TRABD2A: variants seen among roughly 807,000 people sequenced by gnomAD.
The protein encoded by TRABD2A is TraB domain containing 2A.
A neutral mutation model predicts 45.6 loss-of-function variants in TRABD2A; 43 were observed. The observed-to-expected ratio is 0.94, with a 90% CI of 0.74 to 1.22. TRABD2A has a LOEUF of 1.22. TRABD2A is among the 50% of genes most tolerant of loss of function. The probability of loss-of-function intolerance (pLI) is 0.00; values close to 1 mark genes in which losing one functional copy is unlikely to be tolerated. For missense variants in TRABD2A, 642 were observed against 652.4 expected, an observed-to-expected ratio of 0.98 and a Z score of 0.17; for synonymous variants, 269 against 265.0, an observed-to-expected ratio of 1.02 and a Z score of -0.15.
At chr2:84,859,270 T>G (rs1307769047) in intron 2 of TRABD2A, among the ~76,000 whole-genome samples, 2 of 152,342 alleles carry the variant, frequency 1.3e-5, no homozygotes, top group African/African-American at 2.4e-5. Flanking sequence ...TAGTTTGGTC[T>G]TTTAATACAG....
intron 1 of TRABD2A, chr2:84,874,710 C>G (rs1383149174): frequency 1.4e-5 from 3 of 211,700 alleles, no homozygotes; most frequent in South Asian, 8.5e-5. Flanking sequence ...GATCAGCCCC[C>G]CTGCGTCTGT....
At chr2:84,866,997 G>A (rs1411375781) in intron 2 of TRABD2A, among the ~76,000 whole-genome samples, 1 of 152,094 alleles carries the variant, frequency 6.6e-6, no homozygotes, top group Non-Finnish European at 1.5e-5. Flanking sequence ...CAACCTGGGA[G>A]GCAGAGGCTG....
intron 5 of TRABD2A, among the ~76,000 whole-genome samples, chr2:84,826,098 G>A (rs1276938735): frequency 2.0e-5 from 3 of 152,202 alleles, no homozygotes; most frequent in African/African-American, 7.2e-5. Context: ...CCGAAACTAT[G>A]TCTTGGCCTC....
chr2:84,870,715 TG>T lies in TRABD2A; in HGVS notation c.178del (p.His60MetfsTer74). On this transcript the variant is annotated frameshift_variant, in exon 2 of 7. Transcript: ENST00000409520. LOFTEE classifies it high-confidence loss of function. ...GTCCCAAACTCGGGTGTACGGGACA[TG>T]GATTGTGCCAAAGAAGTAAGATGGT... is the stretch of plus-strand genomic sequence containing the variant. ...DPPSYFFGTI[H>X]VPYTRVWDFI... The T allele has an allele frequency of 6.2e-7, 1 of 1,603,574 alleles. No individual in the cohort carries two copies. Among genetic ancestry groups the T allele is most frequent in the African/African-American group, 1.3e-5 (1 of 74,846 alleles).
At chr2:84,853,747 T>C (rs115644304) in intron 2 of TRABD2A, among the ~76,000 whole-genome samples, 6,962 of 152,284 alleles carry the variant, frequency 0.046, 571 homozygotes, top group African/African-American at 0.16. Context: ...TTTCCAGCCT[T>C]GATGGGTGCA....
intron 2 of TRABD2A, among the ~76,000 whole-genome samples, chr2:84,857,068 A>G (rs6753370): frequency 0.2 from 29,921 of 151,890 alleles, 3,893 homozygotes; most frequent in African/African-American, 0.37. Context: ...TCTGCAAGCC[A>G]AGGAGAGAGG....
At chr2:84,854,517 G>A (rs560386215) in intron 2 of TRABD2A, among the ~76,000 whole-genome samples, 35 of 152,278 alleles carry the variant, frequency 2.3e-4, no homozygotes, top group African/African-American at 7.2e-4. Context: ...TCTCACCCAA[G>A]GTCACAATAC....
Position 84,870,452 on chromosome 2 carries a change from A to C in TRABD2A, c.442T>G (p.Tyr148Asp). The part of the protein sequence containing the change: ...MTPDQRGKGL[Y>D]ADYLFNAIAG... ...ATAGCATTGAAGAGGTAGTCTGCGT[A>C]GAGCCCCTTGCCGCGCTGGTCTGGG... Residue 148 changes from tyrosine to aspartate, a missense_variant, in exon 2 of 7, where the codon TAC (tyrosine) becomes GAC (aspartate). By Grantham distance (160) the Tyr-to-Asp change is radical. Transcript: ENST00000409520. The C allele has an allele frequency of 6.2e-7, 1 of 1,614,054 alleles. No homozygotes were observed. Among genetic ancestry groups the C allele is most frequent in the Admixed American group, 1.7e-5 (1 of 60,036 alleles).
chr2:84,825,438 T>C (rs1433400787), intron 5 of TRABD2A, among the ~76,000 whole-genome samples: 1 of 151,984 alleles, frequency 6.6e-6, no homozygotes, highest in Admixed American at 6.6e-5. Context: ...GGCAAAGGAT[T>C]AAAAAATGCC....
chr2:84,870,384 G>C lies in TRABD2A; in HGVS notation c.510C>G (p.Leu170=), dbSNP rs780641384. 1.2e-6 allele frequency: 2 copies of C among 1,614,030 alleles called. No homozygotes were observed. ...CCACTTCAGTCAGGGAGTTGACCAT[G>C]AGCATCACCCAGACAGGCCTCTTGC... ...WERKRPVWVM[L]MVNSLTEVDI... is the part of the protein sequence containing the mutation. Residue 170 remains leucine, a synonymous_variant, in exon 2 of 7, where the codon CTC becomes CTG. Transcript: ENST00000409520.
rs1468604764 is a variant in TRABD2A at position 84,870,742 on chromosome 2, G to GGGT, written c.149_151dup (p.Asp50_Pro51insHis). 6.3e-7 allele frequency: 1 copy of GGGT among 1,598,208 alleles called. No individual in the cohort carries two copies. The highest frequency in any genetic ancestry group is 2.3e-5 in the East Asian group (1 of 44,356). ...GATTGTGCCAAAGAAGTAAGATGGT[G>GGGT]GGTCTCGCTTAATGGTCCACAAGAA... On this transcript the variant is annotated inframe_insertion, in exon 2 of 7. Transcript: ENST00000409520.
Position 84,850,764 on chromosome 2 carries a change from A to G in TRABD2A, c.670-8757T>C, listed in dbSNP as rs1000677142. ...GATCCAAGGAAGGAGAGTGTTTGAG[A>G]GCAACATTATCCTGATTAGCAAAAG... On this transcript the variant is annotated intron_variant, in intron 2 of 6. Coordinates refer to ENST00000409520, the MANE Select transcript of TRABD2A (RefSeq NM_001277053.2). The G allele has an allele frequency of 3.3e-5, 5 of 152,352 alleles. No individual in the cohort carries two copies. In the South Asian group the frequency reaches 1.0e-3, roughly 32 times the overall value. 9.4% of individuals were successfully genotyped at this position (152,352 alleles called of 1,614,324 possible). A position where few individuals can be genotyped will look rare whatever the true frequency, so the allele number is the denominator to read the frequency against.
At chr2:84,860,539 AGC>A (rs977448225) in intron 2 of TRABD2A, among the ~76,000 whole-genome samples, 1 of 152,192 alleles carries the variant, frequency 6.6e-6, no homozygotes, top group Non-Finnish European at 1.5e-5. Context: ...CTGTTGTTTA[AGC>A]CACCCGGTTG....
chr2:84,843,788 C>T (rs539214493), intron 2 of TRABD2A: 1 of 152,218 alleles, frequency 6.6e-6, no homozygotes. Context: ...GGCTTAATCA[C>T]CTCCTAAAGG....
intron 2 of TRABD2A, among the ~76,000 whole-genome samples, chr2:84,856,677 C>T (rs2105395640): frequency 6.6e-6 from 1 of 152,246 alleles, no homozygotes; most frequent in East Asian, 1.9e-4. Context: ...TGGACCTTCC[C>T]TCTCTTTTCT....
chr2:84,831,659 TACCACTGTC>T (rs1681342151), intron 5 of TRABD2A, among the ~76,000 whole-genome samples: 1 of 152,170 alleles, frequency 6.6e-6, no homozygotes, highest in African/African-American at 2.4e-5. Flanking sequence ...CTGGCCTGTT[TACCACTGTC>T]ATGGCCCGAT....
Position 84,831,224 on chromosome 2 carries a change from G to A in TRABD2A, c.1082+831C>T, listed in dbSNP as rs1681325587. ...AAAAAATGCCATGTGCCGGCAGGAA[G>A]AGAAGGCGGCCATCTACAAGCCAAA... On this transcript the variant is annotated intron_variant, in intron 5 of 6. Coordinates refer to ENST00000409520, the MANE Select transcript of TRABD2A (RefSeq NM_001277053.2). Among the ~76,000 whole-genome samples the A allele has an allele frequency of 2.6e-5, 4 of 152,292 alleles. No homozygotes were observed. The South Asian group carries it at 6.2e-4, about 24-fold the overall frequency.
At chr2:84,858,782 C>T (rs1276423288) in intron 2 of TRABD2A, among the ~76,000 whole-genome samples, 1 of 152,180 alleles carries the variant, frequency 6.6e-6, no homozygotes, top group African/African-American at 2.4e-5. Context: ...ATCATGTCTG[C>T]TTTACACACT....
In TRABD2A at chr2:84,870,751, T is replaced by C. The variant is rs773717756; in HGVS notation, c.143A>G (p.Lys48Arg). ...AAAGAAGTAAGATGGTGGGTCTCGC[T>C]TAATGGTCCACAAGAAGGAATTCAG... is the stretch of plus-strand genomic sequence containing the variant. ...SELNSFLWTI[K>R]RDPPSYFFGT... The change falls in exon 2 of 7, where the codon AAG (lysine) becomes AGG (arginine). Residue 48 changes from lysine to arginine, a missense_variant. Transcript: ENST00000409520. 44 of 1,594,898 alleles carry C rather than the reference T, an allele frequency of 2.8e-5. No individual in the cohort carries two copies. In the South Asian group the frequency reaches 4.9e-4, roughly 18 times the overall value.
Sources: allele counts gnomAD v4.1 joint callset (sites outside exome capture counted in the v4.1 genomes callset), GRCh38; gene constraint gnomAD v4.1.1; transcripts MANE v1.5; gene names NCBI Gene and HGNC (gene_info 2026-07-23, HGNC 2026-07-21).